PTPRD: variants seen among roughly 807,000 people sequenced by gnomAD.
PTPRD encodes protein tyrosine phosphatase receptor type D.
Under a neutral mutation model 214.5 loss-of-function variants are expected in PTPRD, and 34 were observed. The ratio of observed to expected loss-of-function variants is 0.16; its 90% confidence interval spans 0.12 to 0.21. The LOEUF is 0.21. Ranked by LOEUF, PTPRD falls within the 10% of genes least tolerant of loss-of-function variation. The probability of loss-of-function intolerance (pLI) is 1.00; values close to 1 mark genes in which losing one functional copy is unlikely to be tolerated. For synonymous variants in PTPRD, 1,128 were observed against 845.7 expected (o/e 1.33, Z -5.79); for missense variants, 2,545 against 2,398.7 (o/e 1.06, Z -1.27).
At chr9:9,564,107 A>C (rs2083676371) in intron 8 of PTPRD, among the ~76,000 whole-genome samples, 2 of 152,132 alleles carry the variant, frequency 1.3e-5, no homozygotes, top group Admixed American at 1.3e-4. Context: ...CTGGCCTCCC[A>C]AGAGTGTATT....
At chr9:9,978,845 A>T (rs949906500) in intron 4 of PTPRD, among the ~76,000 whole-genome samples, 5 of 152,178 alleles carry the variant, frequency 3.3e-5, no homozygotes, top group African/African-American at 1.2e-4. Flanking sequence ...CACTGATGAA[A>T]ACCAAAAGAG....
intron 11 of PTPRD, among the ~76,000 whole-genome samples, chr9:8,923,540 C>T (rs973167972): frequency 4.6e-5 from 7 of 152,116 alleles, no homozygotes; most frequent in African/African-American, 1.7e-4. Context: ...TATGTGAATT[C>T]ACCAGCAAGA....
intron 8 of PTPRD, among the ~76,000 whole-genome samples, chr9:9,553,254 G>T (rs1714296126): frequency 6.6e-6 from 1 of 151,946 alleles, no homozygotes; most frequent in Admixed American, 6.6e-5. Flanking sequence ...TTGTTATACG[G>T]ATTTATACAA....
rs147444410 is a variant in PTPRD at position 9,904,709 on chromosome 9, AAGAC to A, written c.-368+33794_-368+33797del. On this transcript the variant is annotated intron_variant, in intron 5 of 45. Transcript: ENST00000381196. ...ACATAAGGCAAAATATAAGGTTAAAAAGACAGAGAATAAAGCTTAAACATCTTTT... is the reference window on the plus strand; with the variant it reads ...ACATAAGGCAAAATATAAGGTTAAAAAGAGAATAAAGCTTAAACATCTTTT... 6.4e-3 allele frequency among the ~76,000 whole-genome samples: 975 copies of A among 152,240 alleles called. 14 individuals are homozygous for A. The highest frequency in any genetic ancestry group is 0.022 in the African/African-American group (931 of 41,568).
intron 3 of PTPRD, among the ~76,000 whole-genome samples, chr9:10,116,840 A>T (rs1056528383): frequency 1.4e-4 from 21 of 151,842 alleles, no homozygotes; most frequent in Admixed American, 8.5e-4. Context: ...CATACCCCCA[A>T]CTGGGAGCCT....
chr9:9,275,066 TTATATATATATATATA>T (rs1944502424), intron 9 of PTPRD, among the ~76,000 whole-genome samples: 2 of 73,040 alleles, frequency 2.7e-5, no homozygotes, highest in Non-Finnish European at 4.9e-5. Context: ...TATATATATA[TTATATATATATATATA>T]ATATATATGT....
rs554407494 is a variant in PTPRD, at chr9:9,957,570, T to A, written c.-471-18960A>T. Among the ~76,000 whole-genome samples, 5 of 152,250 alleles carry A rather than the reference T, an allele frequency of 3.3e-5. No individual in the cohort carries two copies. The South Asian group carries it at 8.3e-4, about 25-fold the overall frequency. ...TTTCTATCTCATTCTATGAGGCTAT[T>A]TTTCTAATGCCATCACCACCATAGC... is the stretch of plus-strand genomic sequence containing the variant. On this transcript the variant is annotated intron_variant, in intron 4 of 45. Transcript: ENST00000381196.
intron 7 of PTPRD, among the ~76,000 whole-genome samples, chr9:9,621,110 C>T (rs946848444): frequency 3.3e-5 from 5 of 152,160 alleles, no homozygotes; most frequent in African/African-American, 4.8e-5. Context: ...TGTGGAAGTA[C>T]TCACTGACCA....
intron 5 of PTPRD, among the ~76,000 whole-genome samples, chr9:9,922,829 A>C (rs547725731): frequency 6.6e-6 from 1 of 152,048 alleles, no homozygotes. Context: ...GAGGTTTTCC[A>C]GATTGAAGGG....
chr9:9,296,443 A>G (rs1224149352), intron 9 of PTPRD, among the ~76,000 whole-genome samples: 1 of 151,766 alleles, frequency 6.6e-6, no homozygotes, highest in African/African-American at 2.4e-5. Flanking sequence ...AATTGAGTTG[A>G]CCATATGTTC....
intron 5 of PTPRD, among the ~76,000 whole-genome samples, chr9:9,897,921 C>T (rs1361347724): frequency 6.6e-6 from 1 of 151,652 alleles, no homozygotes; most frequent in Non-Finnish European, 1.5e-5. Context: ...AACTGTTCAC[C>T]TTTGACGGCA....
At chr9:10,056,893 A>C (rs2097661675) in intron 3 of PTPRD, among the ~76,000 whole-genome samples, 1 of 152,150 alleles carries the variant, frequency 6.6e-6, no homozygotes, top group Non-Finnish European at 1.5e-5. Context: ...AAATTTATAA[A>C]TTGTTCAACC....
At chr9:8,515,573 T>A (rs2097768574) in intron 21 of PTPRD, among the ~76,000 whole-genome samples, 1 of 152,148 alleles carries the variant, frequency 6.6e-6, no homozygotes, top group African/African-American at 2.4e-5. Flanking sequence ...GTTATGACTG[T>A]GTACTAGTGA....
At position 8,543,021 on chromosome 9, in the gene PTPRD, G is replaced by C. The variant is rs1593227422; in HGVS notation, c.353-14242C>G. Among the ~76,000 whole-genome samples the C allele has an allele frequency of 3.9e-5, 6 of 152,146 alleles. 1 individual carries two copies. The highest frequency in any genetic ancestry group is 3.9e-4 in the Admixed American group (6 of 15,272). On this transcript the variant is annotated intron_variant, in intron 14 of 45. Transcript: ENST00000381196. The stretch of plus-strand genomic sequence containing the variant: ...ACAGCCAATGGTCTCCTGAATAAGA[G>C]GAAGAATAATTTGAGTTGTGTTCCT...
At chr9:8,657,475 C>A (rs2096935403) in intron 12 of PTPRD, among the ~76,000 whole-genome samples, 1 of 152,086 alleles carries the variant, frequency 6.6e-6, no homozygotes, top group Non-Finnish European at 1.5e-5. Flanking sequence ...GGCCTGCCCA[C>A]TTTTTAATAG....
intron 2 of PTPRD, among the ~76,000 whole-genome samples, chr9:10,445,338 G>C (rs905163013): frequency 6.6e-6 from 1 of 152,026 alleles, no homozygotes; most frequent in Non-Finnish European, 1.5e-5. Flanking sequence ...AATGTTGTTG[G>C]AGTTGCATTT....
intron 2 of PTPRD, among the ~76,000 whole-genome samples, chr9:10,566,631 T>C (rs1269488891): frequency 6.6e-6 from 1 of 152,020 alleles, no homozygotes; most frequent in Non-Finnish European, 1.5e-5. Context: ...TCTCATTCAG[T>C]GTCTTTTCTT....
rs921929481 is a variant in PTPRD at position 8,930,988 on chromosome 9, G to A, written c.-104+87709C>T. 1.3e-4 allele frequency among the ~76,000 whole-genome samples: 20 copies of A among 152,072 alleles called. 1 individual carries two copies. The highest frequency in any genetic ancestry group is 4.3e-4 in the African/African-American group (18 of 41,396). On this transcript the variant is annotated intron_variant, in intron 11 of 45. Coordinates refer to ENST00000381196, the MANE Select transcript of PTPRD (RefSeq NM_002839.4). ...TAATGAGATCCCATTTGTCAATTTT[G>A]GCTTTTGTTGCCATTGCTTTGGGTG...
At chr9:10,557,650 A>G (rs2062917353) in intron 2 of PTPRD, among the ~76,000 whole-genome samples, 1 of 152,112 alleles carries the variant, frequency 6.6e-6, no homozygotes, top group Non-Finnish European at 1.5e-5. Context: ...TTCAAAAGAG[A>G]AATCTGATGG....
Sources: gnomAD v4.1 joint callset for allele counts (sites outside exome capture counted in the v4.1 genomes callset) on GRCh38, gnomAD v4.1.1 for gene constraint, MANE v1.5 for transcripts, NCBI Gene and HGNC (gene_info 2026-07-23, HGNC 2026-07-21) for gene names.